SLC35B4: variants seen among roughly 807,000 people sequenced by gnomAD.
The protein encoded by SLC35B4 is solute carrier family 35 member B4, also known as nucleotide sugar transporter SLC35B4.
A neutral mutation model predicts 39.5 loss-of-function variants in SLC35B4; 28 were observed. The ratio of observed to expected loss-of-function variants is 0.71; its 90% confidence interval spans 0.53 to 0.97. SLC35B4 has a LOEUF of 0.97. SLC35B4 is among the 50% of genes least tolerant of loss of function. SLC35B4 has a pLI of 0.00. For synonymous variants in SLC35B4, 145 were observed against 150.4 expected, an observed-to-expected ratio of 0.96 and a Z score of 0.26; for missense variants, 334 against 414.3, an observed-to-expected ratio of 0.81 and a Z score of 1.68.
upstream of SLC35B4, among the ~76,000 whole-genome samples, chr7:134,319,462 T>G (rs1804061636): frequency 6.6e-6 from 1 of 152,230 alleles, no homozygotes; most frequent in Non-Finnish European, 1.5e-5. Context: ...CCAGTTTCCT[T>G]AATGGGCTCT....
chr7:134,309,241 AT>A (rs1803778313), intron 2 of SLC35B4, 124 bp downstream of exon 2: 3 of 585,096 alleles, frequency 5.1e-6, no homozygotes, highest in Non-Finnish European at 8.7e-6. Flanking sequence ...AAAATGACTT[AT>A]TATTCTACTG....
intron 2 of SLC35B4, among the ~76,000 whole-genome samples, chr7:134,307,921 A>C (rs373382579): frequency 6.6e-6 from 1 of 152,224 alleles, no homozygotes; most frequent in African/African-American, 2.4e-5. Flanking sequence ...GCGACTTTAC[A>C]AAGTTTCTTG....
chr7:134,292,673 C>T lies in SLC35B4; in HGVS notation c.*2160G>A, dbSNP rs1803358884. On this transcript the variant is annotated 3_prime_UTR_variant, in exon 10 of 10. Transcript: ENST00000378509. Reference sequence around the variant, plus strand: ...ATGAAGTCGCCTCTAGGGACAGGTTCTTCTATTAAGTGGTAAGAAAAAAGT... The same window carrying T: ...ATGAAGTCGCCTCTAGGGACAGGTTTTTCTATTAAGTGGTAAGAAAAAAGT... The T allele has an allele frequency of 6.6e-6, 1 of 152,162 alleles. No individual in the cohort carries two copies. The highest frequency in any genetic ancestry group is 2.4e-5 in the African/African-American group (1 of 41,420). 9.4% of individuals were successfully genotyped at this position (152,162 alleles called of 1,614,324 possible).
At chr7:134,301,882 A>G (rs1803589592) in intron 5 of SLC35B4, 61 bp from the exon 6 acceptor site, 1 of 1,537,238 alleles carries the variant, frequency 6.5e-7, no homozygotes, top group East Asian at 2.2e-5. Flanking sequence ...GTGCCGACAT[A>G]CAAGGGAAAC....
At chr7:134,295,881 G>T (rs1803455037) in intron 9 of SLC35B4, among the ~76,000 whole-genome samples, 1 of 152,148 alleles carries the variant, frequency 6.6e-6, no homozygotes, top group South Asian at 2.1e-4. Flanking sequence ...CCAGGCTGGA[G>T]TGCAATGGCA....
In SLC35B4 at chr7:134,290,028, A is replaced by G. The variant is rs1439003260; in HGVS notation, c.*4805T>C. On this transcript the variant is annotated 3_prime_UTR_variant, in exon 10 of 10. Transcript: ENST00000378509. ...TCTCCAGGCATCAGCTTCAGCTGCT[A>G]CAAGCTAACTGTACCAACTATGGAG... 6.6e-6 allele frequency: 1 copy of G among 152,218 alleles called. No individual in the cohort carries two copies. The highest frequency in any genetic ancestry group is 1.5e-5 in the Non-Finnish European group (1 of 68,048). 9.4% of individuals were successfully genotyped at this position (152,218 alleles called of 1,614,324 possible).
chr7:134,299,518 C>T lies in SLC35B4; in HGVS notation c.673+5G>A, dbSNP rs1803532505. 6.2e-7 allele frequency: 1 copy of T among 1,612,104 alleles called. No homozygotes were observed. Among genetic ancestry groups the T allele is most frequent in the African/African-American group, 1.3e-5 (1 of 74,874 alleles). Reference sequence around the variant, plus strand: ...GGTAATTCTACTGTCTAACCCCAAACTCACCAGACTTATTGAATAGAACTG... The same window carrying T: ...GGTAATTCTACTGTCTAACCCCAAATTCACCAGACTTATTGAATAGAACTG... On this transcript the variant is annotated splice_donor_5th_base_variant and intron_variant, in intron 8 of 9. Transcript: ENST00000378509.
chr7:134,301,626 A>G, intron 6 of SLC35B4, 135 bp downstream of exon 6: 1 of 773,314 alleles, frequency 1.3e-6, no homozygotes, highest in Non-Finnish European at 2.2e-6. Flanking sequence ...TCAGAGAAAT[A>G]TGATCCCAGG....
At chr7:134,317,785 C>T (rs1189941591), upstream of SLC35B4, among the ~76,000 whole-genome samples, 1 of 148,644 alleles carries the variant, frequency 6.7e-6, no homozygotes, top group Non-Finnish European at 1.5e-5. Context: ...GCACATATTA[C>T]GTACATAAGC....
upstream of SLC35B4, among the ~76,000 whole-genome samples, chr7:134,319,019 T>C (rs957435680): frequency 1.3e-5 from 2 of 152,184 alleles, no homozygotes; most frequent in Non-Finnish European, 2.9e-5. Flanking sequence ...TGACTGCACT[T>C]GGAGAGCAGA....
rs1226375002 is a variant in SLC35B4 at position 134,291,343 on chromosome 7, T to C, written c.*3490A>G. ...AAAATACACGCTGTGCAGATATAAA[T>C]ACTCTGTAAAAATCCACAAAAACAT... On this transcript the variant is annotated 3_prime_UTR_variant, in exon 10 of 10. Transcript: ENST00000378509. 6.6e-6 allele frequency: 1 copy of C among 152,134 alleles called. No individual in the cohort carries two copies. The highest frequency in any genetic ancestry group is 2.4e-5 in the African/African-American group (1 of 41,436). The allele number at this position is 152,134 out of a possible 1,614,324, so 9.4% of individuals were successfully genotyped here.
chr7:134,296,885 T>G (rs1803480906), intron 8 of SLC35B4, among the ~76,000 whole-genome samples: 1 of 152,244 alleles, frequency 6.6e-6, no homozygotes, highest in African/African-American at 2.4e-5. Flanking sequence ...TAAATAAGAC[T>G]GTACCATTTT....
chr7:134,319,802 G>T (rs554201395), upstream of SLC35B4, among the ~76,000 whole-genome samples: 1 of 152,216 alleles, frequency 6.6e-6, no homozygotes, highest in African/African-American at 2.4e-5. Flanking sequence ...AAACCTGAAA[G>T]TTTTCGGTCT....
chr7:134,291,321 A>G lies in SLC35B4; in HGVS notation c.*3512T>C, dbSNP rs953845865. On this transcript the variant is annotated 3_prime_UTR_variant, in exon 10 of 10. Transcript: ENST00000378509. ...AATGCTTGTAAGAATGTATAACAAA[A>G]TACACGCTGTGCAGATATAAATACT... is the stretch of plus-strand genomic sequence containing the variant. 7.2e-5 allele frequency: 11 copies of G among 152,222 alleles called. No individual in the cohort carries two copies. Among genetic ancestry groups the G allele is most frequent in the African/African-American group, 2.7e-4 (11 of 41,458 alleles). 9.4% of individuals were successfully genotyped at this position (152,222 alleles called of 1,614,324 possible). A position where few individuals can be genotyped will look rare whatever the true frequency, so the allele number is the denominator to read the frequency against.
At chr7:134,314,873 C>T (rs958289012) in intron 1 of SLC35B4, among the ~76,000 whole-genome samples, 1 of 151,684 alleles carries the variant, frequency 6.6e-6, no homozygotes, top group South Asian at 2.1e-4. Context: ...GCCAAAGTGG[C>T]CTTCCTTTAA....
At chr7:134,297,110 G>A (rs887782177) in intron 8 of SLC35B4, among the ~76,000 whole-genome samples, 5 of 152,060 alleles carry the variant, frequency 3.3e-5, no homozygotes, top group Non-Finnish European at 7.4e-5. Context: ...TAGTAGAGAC[G>A]GGGTTTCGCC....
intron 8 of SLC35B4, among the ~76,000 whole-genome samples, chr7:134,297,069 C>T (rs1469683173): frequency 2.0e-5 from 3 of 152,250 alleles, no homozygotes; most frequent in Non-Finnish European, 4.4e-5. Flanking sequence ...TACAGGCACA[C>T]ACCACCACAC....
chr7:134,319,764 A>G (rs534144196), upstream of SLC35B4, among the ~76,000 whole-genome samples: 4 of 152,316 alleles, frequency 2.6e-5, no homozygotes, highest in East Asian at 7.7e-4. Context: ...TATTAAGAAC[A>G]TTGTACTCTA....
In SLC35B4 at chr7:134,293,040, C is replaced by T. The variant is rs1329284481; in HGVS notation, c.*1793G>A. On this transcript the variant is annotated 3_prime_UTR_variant, in exon 10 of 10. Coordinates refer to ENST00000378509, the MANE Select transcript of SLC35B4 (RefSeq NM_032826.5). ...TGCTCAAATCCATCAGAGAATAGCT[C>T]TGGACAGTGGAATAAACATACCACA... The T allele has an allele frequency of 6.6e-6, 1 of 152,192 alleles. No homozygotes were observed. The highest frequency in any genetic ancestry group is 2.4e-5 in the African/African-American group (1 of 41,446). The allele number at this position is 152,192 out of a possible 1,614,324, so 9.4% of individuals were successfully genotyped here. A position where few individuals can be genotyped will look rare whatever the true frequency, so the allele number is the denominator to read the frequency against.
Sources: gnomAD v4.1 joint callset for allele counts (sites outside exome capture counted in the v4.1 genomes callset) on GRCh38, gnomAD v4.1.1 for gene constraint, MANE v1.5 for transcripts, NCBI Gene and HGNC (gene_info 2026-07-23, HGNC 2026-07-21) for gene names.